The following AP3B2 variants were observed in gnomAD, a reference collection of about 807,000 sequenced individuals.
AP3B2 encodes the protein AP-3 complex subunit beta-2.
In AP3B2, 50 loss-of-function variants were observed where a neutral mutation model predicts 126.9. That is an observed-to-expected ratio of 0.39 (90% CI 0.31 to 0.50). The LOEUF is 0.50. Among genes scored for constraint, AP3B2 ranks in the 20% least tolerant of loss-of-function variants. The pLI is 0.79. For synonymous variants in AP3B2, 541 were observed against 565.0 expected (o/e 0.96, Z 0.60); for missense variants, 1,177 against 1,426.4 (o/e 0.83, Z 2.82).
chr15:82,692,132 C>G, intron 1 of AP3B2: 1 of 1,494,846 alleles, frequency 6.7e-7, no homozygotes, highest in South Asian at 1.2e-5. Context: ...TGGAGAACTC[C>G]ACACGAAGCC....
In AP3B2 at chr15:82,680,131, A is replaced by G. The variant is rs2048309495; in HGVS notation, c.1110+44T>C. ...CGACAACGCCTCCAGTGCCCGCAGA[A>G]GCGGCCCTCGGACAGCGAGGACAGC... On this transcript the variant is annotated intron_variant, in intron 9 of 26. Transcript: ENST00000535359. The surrounding 1 kb of genome is among the most constrained non-coding windows in gnomAD (Gnocchi z 6.1). The G allele has an allele frequency of 2.5e-6, 4 of 1,611,130 alleles. No homozygotes were observed. The highest frequency in any genetic ancestry group is 3.4e-6 in the Non-Finnish European group (4 of 1,179,274).
rs2047900098 is a variant in AP3B2, at chr15:82,659,600, G to A, written c.3266C>T (p.Thr1089Ile). Residue 1089 changes from threonine (T) to isoleucine (I), a missense_variant, in exon 27 of 27, where the codon ACC becomes ATC. Physicochemically the swap from Thr to Ile is moderately conservative, Grantham distance 89. This residue lies in a region of AP3B2 where 587 missense variants were observed against 571.3 expected (regional missense o/e 1.03). Transcript: ENST00000535359. ...CTGTATCACATCCTTTACCAGCATG[G>A]TGCCAATCACCATTTTCTCGCTGTT... is the stretch of plus-strand genomic sequence containing the variant. ...TVNSEKMVIG[T>I]MLVKDVIQAL... is the part of the protein sequence containing the mutation. The A allele has an allele frequency of 1.2e-6, 2 of 1,613,828 alleles. No individual in the cohort carries two copies. The highest frequency in any genetic ancestry group is 1.7e-6 in the Non-Finnish European group (2 of 1,179,900).
intron 1 of AP3B2, chr15:82,692,289 T>C: frequency 1.4e-6 from 1 of 705,664 alleles, no homozygotes; most frequent in Non-Finnish European, 2.3e-6. Context: ...GTAGAAAAGG[T>C]CTTCCACGTC....
intron 25 of AP3B2, among the ~76,000 whole-genome samples, chr15:82,660,881 T>C (rs1399020255): frequency 6.6e-6 from 1 of 152,208 alleles, no homozygotes; most frequent in Non-Finnish European, 1.5e-5. Context: ...GCTAAAGTCC[T>C]CCAAAGAGGA....
intron 1 of AP3B2, among the ~76,000 whole-genome samples, chr15:82,703,608 T>G (rs1245093951): frequency 6.6e-6 from 1 of 152,148 alleles, no homozygotes; most frequent in Non-Finnish European, 1.5e-5. Context: ...TGGTTCCAAA[T>G]AGCCAGAAAA....
Position 82,677,787 on chromosome 15 carries a change from A to G in AP3B2, c.1262T>C (p.Met421Thr). Residue 421 changes from methionine (M) to threonine (T), a missense_variant, in exon 12 of 27, where the codon ATG becomes ACG. By Grantham distance (81) the Met-to-Thr change is moderately conservative (BLOSUM62 -1). This residue lies in a region of AP3B2 where 308 missense variants were observed against 452.4 expected (regional missense o/e 0.68). Coordinates refer to ENST00000535359, the MANE Select transcript of AP3B2 (RefSeq NM_001278512.2). The part of the protein sequence containing the change: ...LREFQTYIRS[M>T]DKDFVAATIQ... The stretch of plus-strand genomic sequence containing the variant: ...TGTGGCTGCCACAAAGTCCTTGTCC[A>G]TGCTGCGAATATAGGTCTGTGGGAT... 1.2e-6 allele frequency: 2 copies of G among 1,609,570 alleles called. No homozygotes were observed. The highest frequency in any genetic ancestry group is 1.1e-5 in the South Asian group (1 of 90,392).
chr15:82,659,576 T>C lies in AP3B2; in HGVS notation c.3290A>G (p.Gln1097Arg). 6.2e-7 allele frequency: 1 copy of C among 1,613,904 alleles called. No individual in the cohort carries two copies. Among genetic ancestry groups the C allele is most frequent in the Non-Finnish European group, 8.5e-7 (1 of 1,179,872 alleles). Residue 1097 changes from glutamine to arginine, a missense_variant, in exon 27 of 27, where the codon CAG becomes CGG. Transcript: ENST00000535359. ...ATTTGGAAGTCACTGGGTCAGAGCCTGTATCACATCCTTTACCAGCATGGT... is the reference window on the plus strand; with the variant it reads ...ATTTGGAAGTCACTGGGTCAGAGCCCGTATCACATCCTTTACCAGCATGGT... ...IGTMLVKDVI[Q>R]ALTQ
chr15:82,659,370 C>T lies in AP3B2; in HGVS notation c.*190G>A, dbSNP rs955463132. On this transcript the variant is annotated 3_prime_UTR_variant, in exon 27 of 27. Coordinates refer to ENST00000535359, the MANE Select transcript of AP3B2 (RefSeq NM_001278512.2). ...GGAGTGGCTGCCATCTCTCTCTGCA[C>T]AGATCACTAAGGAATCCATGGGGAG... 4 of 662,240 alleles carry T rather than the reference C, an allele frequency of 6.0e-6. No homozygotes were observed. The Admixed American group carries it at 1.1e-4, about 19-fold the overall frequency. The allele number at this position is 662,240 out of a possible 1,614,324, so 41.0% of individuals were successfully genotyped here. A position where few individuals can be genotyped will look rare whatever the true frequency, so the allele number is the denominator to read the frequency against.
In AP3B2 at chr15:82,698,869, G is replaced by C. The variant is rs2048671178; in HGVS notation, c.114-9416C>G. Among the ~76,000 whole-genome samples the C allele has an allele frequency of 3.3e-5, 5 of 152,236 alleles. No individual in the cohort carries two copies. The South Asian group carries it at 1.0e-3, about 32-fold the overall frequency. On this transcript the variant is annotated intron_variant, in intron 1 of 26. Coordinates refer to ENST00000535359, the MANE Select transcript of AP3B2 (RefSeq NM_001278512.2). ...CCTGCAGGAGAAGGGGAATGAAAGGGGGCAGGACCACTGGGCCTAAAGCAG... is the reference window on the plus strand; with the variant it reads ...CCTGCAGGAGAAGGGGAATGAAAGGCGGCAGGACCACTGGGCCTAAAGCAG...
Position 82,663,853 on chromosome 15 carries a change from G to A in AP3B2, c.2384C>T (p.Thr795Ile), listed in dbSNP as rs1383837112. ...SSSSSSESEM[T>I]SESEEEQLEP... is the part of the protein sequence containing the mutation. The stretch of plus-strand genomic sequence containing the variant: ...TAACTGCTCCTCCTCGGACTCCGAT[G>A]TCATCTCGGACTCTGATGAGCTACT... Residue 795 changes from threonine to isoleucine, a missense_variant, in exon 20 of 27, where the codon ACA becomes ATA. Thr to Ile is a moderately conservative substitution (Grantham distance 89). This residue lies in a region of AP3B2 where 587 missense variants were observed against 571.3 expected (regional missense o/e 1.03). Transcript: ENST00000535359. 2 of 1,613,788 alleles carry A rather than the reference G, an allele frequency of 1.2e-6. No homozygotes were observed. The highest frequency in any genetic ancestry group is 2.7e-5 in the African/African-American group (2 of 74,938).
intron 10 of AP3B2, among the ~76,000 whole-genome samples, chr15:82,679,472 T>G (rs1175242080): frequency 6.6e-6 from 1 of 152,146 alleles, no homozygotes; most frequent in Non-Finnish European, 1.5e-5. Flanking sequence ...CTGGGATTAT[T>G]ATGAGGTGAT....
intron 1 of AP3B2, among the ~76,000 whole-genome samples, chr15:82,702,683 T>C (rs2048737766): frequency 6.6e-6 from 1 of 152,090 alleles, no homozygotes. Context: ...TGACTCTTTT[T>C]TCAGACTCAG....
rs1363699604 is a variant in AP3B2 at position 82,681,329 on chromosome 15, A to G, written c.521+91T>C. 1.3e-6 allele frequency: 2 copies of G among 1,564,474 alleles called. No homozygotes were observed. The highest frequency in any genetic ancestry group is 1.8e-5 in the Admixed American group (1 of 56,278). ...AACTACCCTCCTCAAACCCTCTGAG[A>G]AGCAGCAGGCAAGACTTAGGAAAGG... On this transcript the variant is annotated intron_variant, in intron 5 of 26. Coordinates refer to ENST00000535359, the MANE Select transcript of AP3B2 (RefSeq NM_001278512.2). The surrounding 1 kb of genome is among the most constrained non-coding windows in gnomAD (Gnocchi z 4.0).
chr15:82,669,234 TCAGA>T (rs1349319689), intron 14 of AP3B2, among the ~76,000 whole-genome samples: 1 of 152,184 alleles, frequency 6.6e-6, no homozygotes, highest in Non-Finnish European at 1.5e-5. Context: ...TCTAGAGCAA[TCAGA>T]CAGGAGAAAG....
Position 82,659,488 on chromosome 15 carries a change from T to TGAGA in AP3B2, c.*68_*71dup. 6.4e-7 allele frequency: 1 copy of TGAGA among 1,561,508 alleles called. No individual in the cohort carries two copies. Among genetic ancestry groups the TGAGA allele is most frequent in the Non-Finnish European group, 8.7e-7 (1 of 1,143,528 alleles). On this transcript the variant is annotated 3_prime_UTR_variant, in exon 27 of 27. Coordinates refer to ENST00000535359, the MANE Select transcript of AP3B2 (RefSeq NM_001278512.2). Reference sequence around the variant, plus strand: ...GGATGATGAGAGAGAGAGAGAAAGATGAGAGAGACTGACAGCCTAGGTGTC... The same window carrying TGAGA: ...GGATGATGAGAGAGAGAGAGAAAGATGAGAGAGAGAGACTGACAGCCTAGGTGTC...
At chr15:82,670,176 C>A (rs1197522483) in intron 14 of AP3B2, among the ~76,000 whole-genome samples, 1 of 131,076 alleles carries the variant, frequency 7.6e-6, no homozygotes, top group Non-Finnish European at 1.6e-5. Flanking sequence ...GTGGCGCGAT[C>A]TTGGCTCACT....
In AP3B2 at chr15:82,680,836, C is replaced by G; in HGVS notation, c.771+1G>C. 2.5e-6 allele frequency: 4 copies of G among 1,613,526 alleles called. No individual in the cohort carries two copies. Among genetic ancestry groups the G allele is most frequent in the Middle Eastern group, 1.6e-4 (1 of 6,062 alleles). ...GCTCTGCCTGGGCTGGGCCCACTTA[C>G]GTTCTGGGTGGGGCTCAGGAACTGC... On this transcript the variant is annotated splice_donor_variant, in intron 7 of 26. Transcript: ENST00000535359. LOFTEE classifies it high-confidence loss of function. The surrounding 1 kb of genome is among the most constrained non-coding windows in gnomAD (Gnocchi z 6.1).
At position 82,674,472 on chromosome 15, in the gene AP3B2, T is replaced by C. The variant is rs953885372; in HGVS notation, c.1665+1989A>G. On this transcript the variant is annotated intron_variant, in intron 14 of 26. Transcript: ENST00000535359. ...ATTTGCCTGAACAGCCTACTCTGGG[T>C]TCCCTGACAGGGGTCATTCCTAGGG... is the stretch of plus-strand genomic sequence containing the variant. 4.6e-5 allele frequency among the ~76,000 whole-genome samples: 7 copies of C among 152,208 alleles called. No homozygotes were observed. The East Asian group carries it at 1.3e-3, about 29-fold the overall frequency.
At chr15:82,684,450 G>A (rs532108829) in intron 4 of AP3B2, among the ~76,000 whole-genome samples, 54 of 152,334 alleles carry the variant, frequency 3.5e-4, no homozygotes, top group Non-Finnish European at 7.2e-4. Context: ...GAATTGGAGA[G>A]ATTTAAGACC....
Sources: allele counts gnomAD v4.1 joint callset (sites outside exome capture counted in the v4.1 genomes callset), GRCh38; gene constraint gnomAD v4.1.1; regional missense constraint gnomAD v4.1.1; non-coding constraint Gnocchi (gnomAD v3.1); transcripts MANE v1.5; gene names NCBI Gene and HGNC (gene_info 2026-07-23, HGNC 2026-07-21).